Variants in PRIMPOL observed in about 807,000 individuals in gnomAD.
PRIMPOL encodes the protein DNA-directed primase/polymerase protein.
PRIMPOL carries 54 observed loss-of-function variants against 63.6 expected under a neutral mutation model. The ratio of observed to expected loss-of-function variants is 0.85; its 90% CI spans 0.68 to 1.07. The LOEUF is 1.07. Ranked by LOEUF, PRIMPOL falls within the 50% of genes least tolerant of loss-of-function variation. The probability of loss-of-function intolerance (pLI) is 0.00; values close to 1 mark genes in which losing one functional copy is unlikely to be tolerated. For missense variants in PRIMPOL, 610 were observed against 648.3 expected (o/e 0.94, Z 0.64); for synonymous variants, 197 against 220.2 (o/e 0.89, Z 0.93).
intron 7 of PRIMPOL, among the ~76,000 whole-genome samples, chr4:184,673,135 C>CTTT (rs10661169): frequency 0.031 from 4,353 of 141,868 alleles, 159 homozygotes; most frequent in African/African-American, 0.078. Context: ...TTTTCTTTTT[C>CTTT]TTTTTTTTTT....
intron 2 of PRIMPOL, among the ~76,000 whole-genome samples, chr4:184,656,777 T>G (rs1746582588): frequency 1.3e-5 from 2 of 152,190 alleles, no homozygotes; most frequent in Non-Finnish European, 2.9e-5. Flanking sequence ...ATTGCTTATG[T>G]CTTACCACAT....
At chr4:184,659,245 T>A in intron 3 of PRIMPOL, 95 bp from the exon 4 acceptor site, 1 of 888,306 alleles carries the variant, frequency 1.1e-6, no homozygotes, top group South Asian at 1.5e-5. Context: ...TCTGAAAACT[T>A]GAATGAAAAA....
intron 5 of PRIMPOL, among the ~76,000 whole-genome samples, chr4:184,664,079 A>G (rs995496083): frequency 6.6e-6 from 1 of 152,242 alleles, no homozygotes; most frequent in Non-Finnish European, 1.5e-5. Flanking sequence ...AACATTGTCC[A>G]CTCATGTAAG....
intron 2 of PRIMPOL, among the ~76,000 whole-genome samples, chr4:184,655,520 C>T (rs1746145313): frequency 6.6e-6 from 1 of 151,786 alleles, no homozygotes; most frequent in South Asian, 2.1e-4. Flanking sequence ...CGGGGTTTCA[C>T]CATCTTGGTC....
chr4:184,669,641 T>C (rs188921942), intron 6 of PRIMPOL, among the ~76,000 whole-genome samples: 225 of 152,316 alleles, frequency 1.5e-3, no homozygotes, highest in Admixed American at 4.2e-3. Context: ...CAGATGGCAT[T>C]CATCTGGGCT....
At chr4:184,693,015 C>T (rs2696033) in intron 13 of PRIMPOL, among the ~76,000 whole-genome samples, 35,951 of 151,908 alleles carry the variant, frequency 0.24, 5,344 homozygotes, top group East Asian at 0.71. Context: ...TGTTTTTTGT[C>T]ACATCTGTCA....
rs781635195 is a variant in PRIMPOL at position 184,685,560 on chromosome 4, A to G, written c.1187-16A>G. On this transcript the variant is annotated splice_polypyrimidine_tract_variant and intron_variant, in intron 10 of 13. Coordinates refer to ENST00000314970, the MANE Select transcript of PRIMPOL (RefSeq NM_152683.4). ...ATAGAGTGATAGTAGCTTTAGAAACATTATTTGCATTTTAGGAATTCGGCG... is the reference window on the plus strand; with the variant it reads ...ATAGAGTGATAGTAGCTTTAGAAACGTTATTTGCATTTTAGGAATTCGGCG... 1 of 1,602,498 alleles carries G rather than the reference A, an allele frequency of 6.2e-7. No individual in the cohort carries two copies. Among genetic ancestry groups the G allele is most frequent in the Non-Finnish European group, 8.5e-7 (1 of 1,169,860 alleles).
intron 11 of PRIMPOL, 113 bp downstream of exon 11, chr4:184,685,797 T>TA (rs1210381072): frequency 3.5e-6 from 2 of 569,430 alleles, no homozygotes; most frequent in African/African-American, 4.0e-5. Context: ...AATTTAGTTG[T>TA]ATTAAATTTC....
chr4:184,655,634 T>C (rs1746204452), intron 2 of PRIMPOL, among the ~76,000 whole-genome samples: 1 of 152,128 alleles, frequency 6.6e-6, no homozygotes, highest in South Asian at 2.1e-4. Context: ...TTCTTAATCT[T>C]TTAGGGAGAT....
At chr4:184,679,270 G>T (rs1754961169) in intron 8 of PRIMPOL, among the ~76,000 whole-genome samples, 1 of 151,958 alleles carries the variant, frequency 6.6e-6, no homozygotes, top group South Asian at 2.1e-4. Flanking sequence ...GAGCCTTTAG[G>T]TTCCCATGTT....
chr4:184,664,358 T>TAAC (rs1383689579), intron 5 of PRIMPOL, among the ~76,000 whole-genome samples: 1 of 152,240 alleles, frequency 6.6e-6, no homozygotes, highest in East Asian at 1.9e-4. Flanking sequence ...ATACACTTTG[T>TAAC]AGTCTAATGG....
At chr4:184,673,028 C>T (rs373546363) in intron 7 of PRIMPOL, among the ~76,000 whole-genome samples, 174 of 152,202 alleles carry the variant, frequency 1.1e-3, no homozygotes, top group African/African-American at 3.8e-3. Flanking sequence ...ACAGGCCAAT[C>T]GAGACCCTAA....
intron 6 of PRIMPOL, among the ~76,000 whole-genome samples, chr4:184,666,538 G>A (rs1415875561): frequency 6.6e-6 from 1 of 152,148 alleles, no homozygotes; most frequent in Admixed American, 6.5e-5. Context: ...TTCTGTTCTA[G>A]ACACATCAAC....
chr4:184,661,953 C>T (rs772644508), intron 5 of PRIMPOL, 50 bp downstream of exon 5: 1 of 1,526,920 alleles, frequency 6.5e-7, no homozygotes, highest in Non-Finnish European at 8.9e-7. Context: ...TCTTCATTGG[C>T]TTATTCATTC....
chr4:184,693,491 C>A (rs898523623), intron 13 of PRIMPOL, among the ~76,000 whole-genome samples: 1 of 152,180 alleles, frequency 6.6e-6, no homozygotes, highest in African/African-American at 2.4e-5. Context: ...ATGTAGCTGT[C>A]ACTTAGTTTT....
intron 9 of PRIMPOL, among the ~76,000 whole-genome samples, chr4:184,683,923 T>C (rs979184913): frequency 1.3e-5 from 2 of 150,906 alleles, no homozygotes; most frequent in Non-Finnish European, 2.9e-5. Flanking sequence ...CCATTTGTGA[T>C]GTTAAAAGAA....
chr4:184,660,572 A>G (rs745496297), intron 4 of PRIMPOL, among the ~76,000 whole-genome samples: 17 of 152,206 alleles, frequency 1.1e-4, no homozygotes, highest in African/African-American at 1.7e-4. Flanking sequence ...CTTTTATTCA[A>G]ATGTTGCTAA....
intron 13 of PRIMPOL, among the ~76,000 whole-genome samples, chr4:184,693,903 A>G (rs1759757092): frequency 1.3e-5 from 2 of 152,172 alleles, no homozygotes; most frequent in South Asian, 4.1e-4. Flanking sequence ...TCCTGGCCTC[A>G]AGCAGTCCTC....
At chr4:184,671,627 G>A (rs1471943671) in intron 6 of PRIMPOL, among the ~76,000 whole-genome samples, 1 of 151,684 alleles carries the variant, frequency 6.6e-6, no homozygotes, top group Non-Finnish European at 1.5e-5. Flanking sequence ...TCCCTTCTAA[G>A]ATAATTTGTT....
Sources: allele counts gnomAD v4.1 joint callset (sites outside exome capture counted in the v4.1 genomes callset), GRCh38; gene constraint gnomAD v4.1.1; transcripts MANE v1.5; gene names NCBI Gene and HGNC (gene_info 2026-07-23, HGNC 2026-07-21).